MIER3: variants seen among roughly 807,000 people sequenced by gnomAD.
MIER3 encodes MIER family member 3.
Under a neutral mutation model 63.2 loss-of-function variants are expected in MIER3, and 9 were observed. The observed-to-expected ratio is 0.14, with a 90% CI of 0.09 to 0.25. MIER3 has a LOEUF of 0.25. MIER3 is among the 10% of genes least tolerant of loss of function. The probability of loss-of-function intolerance (pLI) is 1.00; values close to 1 mark genes in which losing one functional copy is unlikely to be tolerated. For synonymous variants in MIER3, 205 were observed against 224.9 expected (o/e 0.91, Z 0.79); for missense variants, 512 against 666.2 (o/e 0.77, Z 2.55).
intron 3 of MIER3, among the ~76,000 whole-genome samples, chr5:56,945,129 G>A (rs1440588774): frequency 6.6e-6 from 1 of 152,114 alleles, no homozygotes; most frequent in Non-Finnish European, 1.5e-5. Context: ...ACATCAAGGG[G>A]GTAATTATGT....
chr5:56,936,371 A>T (rs1750446302), intron 5 of MIER3, among the ~76,000 whole-genome samples: 1 of 152,158 alleles, frequency 6.6e-6, no homozygotes, highest in South Asian at 2.1e-4. Context: ...AGAGTTGCAT[A>T]TCAGGTCCAT....
intron 5 of MIER3, among the ~76,000 whole-genome samples, chr5:56,936,520 T>A (rs1750452783): frequency 1.3e-5 from 2 of 152,180 alleles, no homozygotes; most frequent in Admixed American, 1.3e-4. Flanking sequence ...TTTTATTTAT[T>A]TATTTTTAGA....
intron 3 of MIER3, among the ~76,000 whole-genome samples, chr5:56,939,867 C>T (rs1269900337): frequency 6.6e-6 from 1 of 152,210 alleles, no homozygotes. Flanking sequence ...GAATAATATG[C>T]TACACCATAT....
chr5:56,945,063 G>A (rs2112143610), intron 3 of MIER3, among the ~76,000 whole-genome samples: 1 of 152,214 alleles, frequency 6.6e-6, no homozygotes, highest in Non-Finnish European at 1.5e-5. Context: ...TAGAAAAAGT[G>A]ATATTTTACT....
In MIER3 at chr5:56,922,008, T is replaced by C. The variant is rs950581809; in HGVS notation, c.*1120A>G. On this transcript the variant is annotated 3_prime_UTR_variant, in exon 13 of 13. Coordinates refer to ENST00000381199, the MANE Select transcript of MIER3 (RefSeq NM_001297599.2). Reference sequence around the variant, plus strand: ...TTTTTAAAACTTAAAAGTGGTAATGTACCATTCTATTTCAGATAGGAACTC... The same window carrying C: ...TTTTTAAAACTTAAAAGTGGTAATGCACCATTCTATTTCAGATAGGAACTC... The C allele has an allele frequency of 3.9e-5, 6 of 152,658 alleles. No individual in the cohort carries two copies. The highest frequency in any genetic ancestry group is 8.8e-5 in the Non-Finnish European group (6 of 68,038). The allele number at this position is 152,658 out of a possible 1,614,324, so 9.5% of individuals were successfully genotyped here. A position where few individuals can be genotyped will look rare whatever the true frequency, so the allele number is the denominator to read the frequency against.
chr5:56,942,675 A>G (rs1317051563), intron 3 of MIER3, among the ~76,000 whole-genome samples: 1 of 152,222 alleles, frequency 6.6e-6, no homozygotes, highest in Non-Finnish European at 1.5e-5. Context: ...AAAGAAAGAA[A>G]AGATCATAAA....
intron 3 of MIER3, chr5:56,940,980 G>A (rs991888318): frequency 9.7e-5 from 96 of 985,298 alleles, no homozygotes; most frequent in Admixed American, 1.8e-4. Context: ...TCCCTGAAAT[G>A]GGGAGTGGCA....
intron 3 of MIER3, among the ~76,000 whole-genome samples, chr5:56,942,363 G>C (rs564842615): frequency 6.6e-6 from 1 of 152,344 alleles, no homozygotes; most frequent in Non-Finnish European, 1.5e-5. Flanking sequence ...ATGAGAGCCT[G>C]AACTAAGGAG....
chr5:56,950,776 T>G, intron 1 of MIER3, 124 bp from the exon 2 acceptor site: 1 of 1,092,894 alleles, frequency 9.2e-7, no homozygotes, highest in Middle Eastern at 2.4e-4. Context: ...GTGCAAGACG[T>G]AGCTTCACTC....
chr5:56,944,005 T>C (rs758799416), intron 3 of MIER3, among the ~76,000 whole-genome samples: 1 of 152,198 alleles, frequency 6.6e-6, no homozygotes, highest in Non-Finnish European at 1.5e-5. Flanking sequence ...ATCCACTAAT[T>C]GCTAACCAAT....
In MIER3 at chr5:56,935,468, C is replaced by T; in HGVS notation, c.555G>A (p.Glu185=). Reference sequence around the variant, plus strand: ...CGTACTCTCCAAGATAAGGGGGAATCTCTGCCTGATATTGTAAACCAATCA... The same window carrying T: ...CGTACTCTCCAAGATAAGGGGGAATTTCTGCCTGATATTGTAAACCAATCA... ...EIMIGLQYQA[E]IPPYLGEYDG... is the part of the protein sequence containing the mutation. Residue 185 remains glutamate, a synonymous_variant, in exon 7 of 13, where the codon GAG becomes GAA. Transcript: ENST00000381199. The T allele has an allele frequency of 6.3e-7, 1 of 1,595,946 alleles. No individual in the cohort carries two copies. The highest frequency in any genetic ancestry group is 8.5e-7 in the Non-Finnish European group (1 of 1,175,082).
At chr5:56,926,886 A>T (rs1202547624) in intron 10 of MIER3, among the ~76,000 whole-genome samples, 1 of 145,048 alleles carries the variant, frequency 6.9e-6, no homozygotes, top group South Asian at 2.1e-4. Flanking sequence ...ATTCAGTGAT[A>T]AAAAAAAGAA....
At chr5:56,931,004 TTAA>T (rs1750247017) in intron 8 of MIER3, among the ~76,000 whole-genome samples, 1 of 152,210 alleles carries the variant, frequency 6.6e-6, no homozygotes, top group Non-Finnish European at 1.5e-5. Context: ...TGACTTTTTT[TTAA>T]AAACAAACAA....
At chr5:56,927,367 T>C (rs974129483) in intron 10 of MIER3, among the ~76,000 whole-genome samples, 1 of 152,172 alleles carries the variant, frequency 6.6e-6, no homozygotes, top group Non-Finnish European at 1.5e-5. Flanking sequence ...CTCAATACTT[T>C]CTGGTTAACT....
At position 56,920,312 on chromosome 5, in the gene MIER3, A is replaced by T. The variant is rs916748634; in HGVS notation, c.*2816T>A. 6.6e-6 allele frequency: 1 copy of T among 152,602 alleles called. No homozygotes were observed. The highest frequency in any genetic ancestry group is 2.4e-5 in the African/African-American group (1 of 41,466). 9.5% of individuals were successfully genotyped at this position (152,602 alleles called of 1,614,324 possible). A position where few individuals can be genotyped will look rare whatever the true frequency, so the allele number is the denominator to read the frequency against. ...GTACAACTAACAAATGTATTGCTAT[A>T]ATCACAGCACCAGTTACACTTCTAA... On this transcript the variant is annotated 3_prime_UTR_variant, in exon 13 of 13. Coordinates refer to ENST00000381199, the MANE Select transcript of MIER3 (RefSeq NM_001297599.2).
chr5:56,950,786 C>G (rs1750996341), intron 1 of MIER3, 134 bp from the exon 2 acceptor site: 3 of 936,364 alleles, frequency 3.2e-6, no homozygotes, highest in Admixed American at 2.3e-5. Flanking sequence ...TAGCTTCACT[C>G]GAATCGCTCC....
rs751772460 is a variant in MIER3, at chr5:56,919,787, G to A, written c.*3341C>T. On this transcript the variant is annotated 3_prime_UTR_variant, in exon 13 of 13. Coordinates refer to ENST00000381199, the MANE Select transcript of MIER3 (RefSeq NM_001297599.2). ...GTCACTAATTTATCTCATACTCACAGGGTACTTATTTCAAACTGGGACAAT... is the reference window on the plus strand; with the variant it reads ...GTCACTAATTTATCTCATACTCACAAGGTACTTATTTCAAACTGGGACAAT... The A allele has an allele frequency of 2.0e-5, 3 of 152,524 alleles. No homozygotes were observed. Among genetic ancestry groups the A allele is most frequent in the Non-Finnish European group, 4.4e-5 (3 of 68,012 alleles). 9.4% of individuals were successfully genotyped at this position (152,524 alleles called of 1,614,324 possible). A position where few individuals can be genotyped will look rare whatever the true frequency, so the allele number is the denominator to read the frequency against.
intron 9 of MIER3, 30 bp downstream of exon 9, chr5:56,930,634 G>A: frequency 6.3e-7 from 1 of 1,575,898 alleles, no homozygotes. Flanking sequence ...TCCCTGTCAT[G>A]TCCCTCTCTT....
At chr5:56,942,830 T>C (rs1027117481) in intron 3 of MIER3, among the ~76,000 whole-genome samples, 10 of 152,120 alleles carry the variant, frequency 6.6e-5, no homozygotes, top group Non-Finnish European at 1.2e-4. Flanking sequence ...CAAGAAATCT[T>C]AGTATCTGGC....
Sources: allele counts gnomAD v4.1 joint callset (sites outside exome capture counted in the v4.1 genomes callset), GRCh38; gene constraint gnomAD v4.1.1; transcripts MANE v1.5; gene names NCBI Gene and HGNC (gene_info 2026-07-23, HGNC 2026-07-21).